Variants in B3GALT1 observed in about 807,000 individuals in gnomAD.
B3GALT1 encodes UDP-Gal:betaGlcNAc beta 1,3-galactosyltransferase, polypeptide 1.
In B3GALT1, 10 loss-of-function variants were observed where a neutral mutation model predicts 23.2. That is an observed-to-expected ratio of 0.43 (90% CI 0.27 to 0.73). The LOEUF (loss-of-function observed/expected upper bound fraction) is 0.73, where lower values mean the gene tolerates loss of function less well. Ranked by LOEUF, B3GALT1 falls within the 30% of genes least tolerant of loss-of-function variation. The pLI, the probability that B3GALT1 is intolerant of heterozygous loss-of-function variation, is 0.21. For missense variants in B3GALT1, 299 were observed against 405.4 expected (o/e 0.74, Z 2.25); for synonymous variants, 156 against 141.5 (o/e 1.10, Z -0.73).
chr2:167,364,163 CAAAAAAA>C (rs34314925), intron 1 of B3GALT1, among the ~76,000 whole-genome samples: 1 of 63,152 alleles, frequency 1.6e-5, no homozygotes, highest in Non-Finnish European at 3.1e-5. Flanking sequence ...GACTCCATCT[CAAAAAAA>C]AAAAAAAAAA....
chr2:167,653,023 C>G (rs1032131713), intron 3 of B3GALT1, among the ~76,000 whole-genome samples: 10 of 152,100 alleles, frequency 6.6e-5, no homozygotes, highest in African/African-American at 1.9e-4. Flanking sequence ...ACCTGAGTGC[C>G]TACACATCCT....
chr2:167,474,608 C>T (rs1385146318), intron 1 of B3GALT1, among the ~76,000 whole-genome samples: 3 of 152,088 alleles, frequency 2.0e-5, no homozygotes, highest in African/African-American at 4.8e-5. Context: ...TTTTCTTAAA[C>T]AGGAACCCCA....
intron 2 of B3GALT1, among the ~76,000 whole-genome samples, chr2:167,635,963 C>G (rs1156530552): frequency 2.6e-5 from 4 of 152,124 alleles, no homozygotes; most frequent in Non-Finnish European, 5.9e-5. Context: ...CTACAGCAAC[C>G]AAAACAGCAT....
intron 2 of B3GALT1, among the ~76,000 whole-genome samples, chr2:167,492,606 C>T (rs985972513): frequency 6.6e-6 from 1 of 152,146 alleles, no homozygotes; most frequent in African/African-American, 2.4e-5. Context: ...ACTGAAAGAA[C>T]CTTCCTGTTG....
chr2:167,471,132 G>A (rs564032430), intron 1 of B3GALT1, among the ~76,000 whole-genome samples: 33 of 152,238 alleles, frequency 2.2e-4, no homozygotes, highest in Admixed American at 1.9e-3. Context: ...ACAAAATAAG[G>A]AGACCTTTTC....
rs141822833 is a variant in B3GALT1 at position 167,607,667 on chromosome 2, A to G, written c.-409-39242A>G. ...ACTACCAGGGTAAATACTACAATGCATTAGTGCTTCAAGCATAAGACCTTT... is the reference window on the plus strand; with the variant it reads ...ACTACCAGGGTAAATACTACAATGCGTTAGTGCTTCAAGCATAAGACCTTT... On this transcript the variant is annotated intron_variant, in intron 2 of 4. Coordinates refer to ENST00000392690, the MANE Select transcript of B3GALT1 (RefSeq NM_020981.4). Among the ~76,000 whole-genome samples the G allele has an allele frequency of 1.0e-3, 158 of 152,328 alleles. 3 individuals are homozygous for G. Among genetic ancestry groups the G allele is most frequent in the Non-Finnish European group, 1.8e-3 (124 of 68,026 alleles).
chr2:167,384,803 A>G (rs1697902047), intron 1 of B3GALT1, among the ~76,000 whole-genome samples: 1 of 151,922 alleles, frequency 6.6e-6, no homozygotes, highest in Non-Finnish European at 1.5e-5. Flanking sequence ...TGATGTTTTG[A>G]TGTGATCATC....
rs1699741373 is a variant in B3GALT1 at position 167,493,740 on chromosome 2, G to T, written c.-410+3463G>T. The stretch of plus-strand genomic sequence containing the variant: ...ATTGGAAGTACCTTAAATCTATGCT[G>T]CAGATTTGCTGATGACATGGTATAT... On this transcript the variant is annotated intron_variant, in intron 2 of 4. Coordinates refer to ENST00000392690, the MANE Select transcript of B3GALT1 (RefSeq NM_020981.4). 2.0e-5 allele frequency among the ~76,000 whole-genome samples: 3 copies of T among 152,272 alleles called. No homozygotes were observed. In the South Asian group the frequency reaches 6.2e-4, roughly 32 times the overall value.
chr2:167,548,685 A>AGTGTGTGTGTGTGTGTGTGTGAGAGTGT (rs1683687882), intron 2 of B3GALT1, among the ~76,000 whole-genome samples: 2 of 144,706 alleles, frequency 1.4e-5, no homozygotes, highest in Admixed American at 6.9e-5. Context: ...CGTGTGTGTG[A>AGTGTGTGTGTGTGTGTGTGTGAGAGTGT]GTGTGTGTGT....
At chr2:167,603,304 C>G (rs1404371741) in intron 2 of B3GALT1, among the ~76,000 whole-genome samples, 1 of 152,124 alleles carries the variant, frequency 6.6e-6, no homozygotes. Flanking sequence ...GCGCAAGAGT[C>G]AGAAGATACA....
intron 2 of B3GALT1, among the ~76,000 whole-genome samples, chr2:167,637,297 T>C (rs1443604445): frequency 6.6e-6 from 1 of 152,036 alleles, no homozygotes; most frequent in Non-Finnish European, 1.5e-5. Context: ...CTGTCACCAA[T>C]GTTCTGACGG....
chr2:167,359,519 C>A (rs985283260), intron 1 of B3GALT1, among the ~76,000 whole-genome samples: 1 of 152,154 alleles, frequency 6.6e-6, no homozygotes, highest in Non-Finnish European at 1.5e-5. Context: ...CTAGGTGATT[C>A]TAATACAGGA....
At chr2:167,818,060 A>AAAGTT (rs1381474572) in intron 3 of B3GALT1, among the ~76,000 whole-genome samples, 1 of 152,162 alleles carries the variant, frequency 6.6e-6, no homozygotes, top group Non-Finnish European at 1.5e-5. Flanking sequence ...TATCACTTGG[A>AAAGTT]AAGTTAAGAT....
intron 3 of B3GALT1, among the ~76,000 whole-genome samples, chr2:167,716,720 T>C (rs1014791885): frequency 4.6e-5 from 7 of 152,252 alleles, no homozygotes; most frequent in Admixed American, 3.9e-4. Flanking sequence ...TTTTGTTTTC[T>C]GTATCAATTC....
intron 1 of B3GALT1, among the ~76,000 whole-genome samples, chr2:167,435,960 CA>C (rs1698777922): frequency 7.5e-6 from 1 of 133,468 alleles, no homozygotes; most frequent in South Asian, 2.3e-4. Context: ...CACAAACACA[CA>C]CACACACACA....
chr2:167,598,845 C>A (rs1453213818), intron 2 of B3GALT1, among the ~76,000 whole-genome samples: 1 of 152,134 alleles, frequency 6.6e-6, no homozygotes, highest in Non-Finnish European at 1.5e-5. Flanking sequence ...AGGCTTTTCA[C>A]AATAAACTCG....
intron 1 of B3GALT1, among the ~76,000 whole-genome samples, chr2:167,396,327 A>G (rs544240365): frequency 6.6e-6 from 1 of 152,116 alleles, no homozygotes; most frequent in South Asian, 2.1e-4. Flanking sequence ...TTTCTTTGGC[A>G]ACACACTTCC....
chr2:167,704,098 G>A lies in B3GALT1; in HGVS notation c.-352+57132G>A, dbSNP rs188672793. ...CGGGAGGCTGAGGCAGGGGAATGGC[G>A]TGAACCCGGGAGGCGGAGCTTGCAA... On this transcript the variant is annotated intron_variant, in intron 3 of 4. Coordinates refer to ENST00000392690, the MANE Select transcript of B3GALT1 (RefSeq NM_020981.4). Among the ~76,000 whole-genome samples the A allele has an allele frequency of 7.3e-4, 109 of 149,808 alleles. 3 individuals are homozygous for A. The East Asian group carries it at 0.021, about 29-fold the overall frequency.
intron 1 of B3GALT1, among the ~76,000 whole-genome samples, chr2:167,456,661 C>T (rs962239108): frequency 5.3e-5 from 8 of 152,110 alleles, no homozygotes; most frequent in African/African-American, 1.9e-4. Context: ...TTTTCTAGAA[C>T]AGCTCACAGA....
Sources: allele counts gnomAD v4.1 joint callset (sites outside exome capture counted in the v4.1 genomes callset), GRCh38; gene constraint gnomAD v4.1.1; transcripts MANE v1.5; gene names NCBI Gene and HGNC (gene_info 2026-07-23, HGNC 2026-07-21).